Variants in PIEZO2 observed in about 807,000 individuals in gnomAD.
PIEZO2 encodes piezo-type mechanosensitive ion channel component 2.
PIEZO2 carries 172 observed loss-of-function variants against 337.3 expected under a neutral mutation model. The observed-to-expected ratio is 0.51, with a 90% CI of 0.45 to 0.58. PIEZO2 has a LOEUF of 0.58. PIEZO2 is among the 20% of genes least tolerant of loss of function. The pLI is 0.00. For synonymous variants in PIEZO2, 1,251 were observed against 1,228.5 expected (o/e 1.02, Z -0.38); for missense variants, 3,028 against 3,391.3 (o/e 0.89, Z 2.66).
chr18:11,127,179 G>C lies in PIEZO2; in HGVS notation c.64+21346C>G, dbSNP rs1220553989. Among the ~76,000 whole-genome samples the C allele has an allele frequency of 6.6e-6, 1 of 152,190 alleles. No homozygotes were observed. The highest frequency in any genetic ancestry group is 1.5e-5 in the Non-Finnish European group (1 of 68,032). On this transcript the variant is annotated intron_variant, in intron 1 of 55. Transcript: ENST00000674853. The surrounding 1 kb of genome is among the most constrained non-coding windows in gnomAD (Gnocchi z 4.5). The stretch of plus-strand genomic sequence containing the variant: ...GTGTGTTGTGACGGTGAGTGACCAG[G>C]ATCAGGTGTTTGAGGGGTGCGGAAA...
intron 4 of PIEZO2, among the ~76,000 whole-genome samples, chr18:10,906,368 G>A (rs1027097955): frequency 2.7e-4 from 41 of 152,118 alleles, no homozygotes; most frequent in African/African-American, 9.7e-4. Context: ...CAAGAGATCA[G>A]TAAAATATTG....
intron 2 of PIEZO2, among the ~76,000 whole-genome samples, chr18:10,994,085 T>TA (rs1308386890): frequency 6.6e-6 from 1 of 152,174 alleles, no homozygotes; most frequent in African/African-American, 2.4e-5. Context: ...AGCTTCCACT[T>TA]ATGAGTGAGA....
At position 10,726,513 on chromosome 18, in the gene PIEZO2, T is replaced by A; in HGVS notation, c.5029+4894A>T. ...GTGCTGCTCCGCAAGCAGCCGTTCC[T>A]GTGGCGCGCTGCGCTGCTCTGCTCT... is the stretch of plus-strand genomic sequence containing the variant. On this transcript the variant is annotated intron_variant, in intron 36 of 55. Transcript: ENST00000674853. This position sits in a 1 kb window ranked among gnomAD's most constrained non-coding sequence, Gnocchi z 5.9. 1 of 1,483,252 alleles carries A rather than the reference T, an allele frequency of 6.7e-7. No individual in the cohort carries two copies. The highest frequency in any genetic ancestry group is 8.9e-7 in the Non-Finnish European group (1 of 1,120,486). 91.9% of individuals were successfully genotyped at this position (1,483,252 alleles called of 1,614,324 possible).
In PIEZO2 at chr18:10,962,265, G is replaced by A. The variant is rs533492872; in HGVS notation, c.286+17270C>T. Among the ~76,000 whole-genome samples, 6 of 152,266 alleles carry A rather than the reference G, an allele frequency of 3.9e-5. No homozygotes were observed. In the South Asian group the frequency reaches 1.0e-3, roughly 26 times the overall value. ...CTGGCAACAGGTTAAATACGCAATC[G>A]TAGCCCTTCTCCCATCCATTCTGCA... is the stretch of plus-strand genomic sequence containing the variant. On this transcript the variant is annotated intron_variant, in intron 3 of 55. Coordinates refer to ENST00000674853, the MANE Select transcript of PIEZO2 (RefSeq NM_001378183.1). This position sits in a 1 kb window ranked among gnomAD's most constrained non-coding sequence, Gnocchi z 4.1.
intron 1 of PIEZO2, among the ~76,000 whole-genome samples, chr18:11,133,376 T>A (rs958907220): frequency 8.5e-5 from 13 of 152,124 alleles, no homozygotes; most frequent in Non-Finnish European, 1.9e-4. Context: ...GAAATGTGTA[T>A]GGGTTCAAGT....
intron 5 of PIEZO2, among the ~76,000 whole-genome samples, chr18:10,864,126 C>G (rs143245887): frequency 2.2e-4 from 33 of 152,318 alleles, no homozygotes; most frequent in African/African-American, 7.5e-4. Flanking sequence ...TTGTGATAGA[C>G]TAAGATGCAA....
chr18:10,671,453 A>G lies in PIEZO2; in HGVS notation c.*74T>C. The G allele has an allele frequency of 6.9e-7, 1 of 1,444,022 alleles. No individual in the cohort carries two copies. Among genetic ancestry groups the G allele is most frequent in the Non-Finnish European group, 9.3e-7 (1 of 1,070,972 alleles). 89.5% of individuals were successfully genotyped at this position (1,444,022 alleles called of 1,614,324 possible). ...CATTTCCGTCGAACTAGAAATGCTT[A>G]GCTCTTATGAGAATATTGTGCTTTT... On this transcript the variant is annotated 3_prime_UTR_variant, in exon 56 of 56. Coordinates refer to ENST00000674853, the MANE Select transcript of PIEZO2 (RefSeq NM_001378183.1).
Position 10,762,959 on chromosome 18 carries a change from G to A in PIEZO2, c.3086C>T (p.Thr1029Ile). The A allele has an allele frequency of 6.5e-7, 1 of 1,537,300 alleles. No individual in the cohort carries two copies. The highest frequency in any genetic ancestry group is 1.2e-5 in the South Asian group (1 of 84,068). ...IVCKMLYQLQ[T>I]IKPENFSVNC... ...AACAGAGAAGTTCTCAGGCTTAATGGTTTGGAGCTGGTACAACATTTTGCA... is the reference window on the plus strand; with the variant it reads ...AACAGAGAAGTTCTCAGGCTTAATGATTTGGAGCTGGTACAACATTTTGCA... The change falls in exon 22 of 56, where the codon ACC becomes ATC. Residue 1029 changes from threonine to isoleucine, a missense_variant. Transcript: ENST00000674853.
chr18:10,734,939 T>G (rs1001192501), intron 35 of PIEZO2, among the ~76,000 whole-genome samples: 1 of 152,236 alleles, frequency 6.6e-6, no homozygotes, highest in Admixed American at 6.5e-5. Flanking sequence ...AAATGAGATG[T>G]GACTTAGGCA....
intron 2 of PIEZO2, among the ~76,000 whole-genome samples, chr18:11,036,586 T>C (rs2036930586): frequency 6.6e-6 from 1 of 151,602 alleles, no homozygotes; most frequent in Admixed American, 6.6e-5. Context: ...ATCAAATATT[T>C]ATATTTAATA....
At chr18:10,933,167 C>T (rs1026656309) in intron 3 of PIEZO2, among the ~76,000 whole-genome samples, 3 of 151,894 alleles carry the variant, frequency 2.0e-5, no homozygotes, top group Admixed American at 6.6e-5. Flanking sequence ...TTGGAGATTA[C>T]AGTGGGCAAT....
chr18:10,917,376 A>C (rs1172926818), intron 3 of PIEZO2, among the ~76,000 whole-genome samples: 3 of 152,016 alleles, frequency 2.0e-5, no homozygotes, highest in Non-Finnish European at 4.4e-5. Context: ...GGCTCCTTTC[A>C]TTTTGCAGTT....
chr18:11,021,281 C>G lies in PIEZO2; in HGVS notation c.161-41621G>C, dbSNP rs1425080209. Among the ~76,000 whole-genome samples the G allele has an allele frequency of 1.3e-5, 2 of 152,226 alleles. No individual in the cohort carries two copies. Among genetic ancestry groups the G allele is most frequent in the Non-Finnish European group, 2.9e-5 (2 of 68,042 alleles). ...AATCTCCCTGGAAAGAACTCCCAAACCGGTTTTCCATGGACCCAAAGTCAG... is the reference window on the plus strand; with the variant it reads ...AATCTCCCTGGAAAGAACTCCCAAAGCGGTTTTCCATGGACCCAAAGTCAG... On this transcript the variant is annotated intron_variant, in intron 2 of 55. Coordinates refer to ENST00000674853, the MANE Select transcript of PIEZO2 (RefSeq NM_001378183.1). The surrounding 1 kb of genome is among the most constrained non-coding windows in gnomAD (Gnocchi z 4.7).
At chr18:11,135,921 G>A (rs537690930) in intron 1 of PIEZO2, among the ~76,000 whole-genome samples, 1 of 152,266 alleles carries the variant, frequency 6.6e-6, no homozygotes, top group Admixed American at 6.5e-5. Context: ...CTTGAGTATG[G>A]ATCTACTGGA....
chr18:10,706,273 G>A lies in PIEZO2; in HGVS notation c.5589-527C>T, dbSNP rs147965339. Among the ~76,000 whole-genome samples, 847 of 152,270 alleles carry A rather than the reference G, an allele frequency of 5.6e-3. 5 individuals carry two copies. The highest frequency in any genetic ancestry group is 8.8e-3 in the Non-Finnish European group (602 of 68,024). On this transcript the variant is annotated intron_variant, in intron 40 of 55. Coordinates refer to ENST00000674853, the MANE Select transcript of PIEZO2 (RefSeq NM_001378183.1). ...TAAATATTGGCTATACTGAACAACTGTGTGCTTGATAAAAAATGCCACCCT... is the reference window on the plus strand; with the variant it reads ...TAAATATTGGCTATACTGAACAACTATGTGCTTGATAAAAAATGCCACCCT...
In PIEZO2 at chr18:10,773,295, C is replaced by A. The variant is rs764912743; in HGVS notation, c.2785+117G>T. 17 of 1,064,984 alleles carry A rather than the reference C, an allele frequency of 1.6e-5. No homozygotes were observed. Among genetic ancestry groups the A allele is most frequent in the Non-Finnish European group, 2.1e-5 (16 of 746,706 alleles). The allele number at this position is 1,064,984 out of a possible 1,614,324, so 66.0% of individuals were successfully genotyped here. A position where few individuals can be genotyped will look rare whatever the true frequency, so the allele number is the denominator to read the frequency against. On this transcript the variant is annotated intron_variant, in intron 20 of 55. Coordinates refer to ENST00000674853, the MANE Select transcript of PIEZO2 (RefSeq NM_001378183.1). The surrounding 1 kb of genome is among the most constrained non-coding windows in gnomAD (Gnocchi z 5.3). ...TATAGCAATCAAACAAAAACCACTC[C>A]AATTTTTATGTCATGGACTGGGTCA... is the stretch of plus-strand genomic sequence containing the variant.
Position 10,697,894 on chromosome 18 carries a change from GA to G in PIEZO2, c.6695-15del. 1 of 1,598,220 alleles carries G rather than the reference GA, an allele frequency of 6.3e-7. No homozygotes were observed. Among genetic ancestry groups the G allele is most frequent in the Non-Finnish European group, 8.5e-7 (1 of 1,170,624 alleles). ...TGCTTGTGCTGCCTAGAAATAAAAA[GA>G]GATCATAAGATGGGTGGTGGAGCCT... On this transcript the variant is annotated splice_polypyrimidine_tract_variant and intron_variant, in intron 44 of 55. Transcript: ENST00000674853.
intron 34 of PIEZO2, 30 bp downstream of exon 34, chr18:10,736,574 T>C (rs1236507870): frequency 6.5e-7 from 1 of 1,536,318 alleles, no homozygotes; most frequent in Non-Finnish European, 8.7e-7. Flanking sequence ...CTCTTCCAAC[T>C]AGCAAAGAAA....
intron 5 of PIEZO2, among the ~76,000 whole-genome samples, chr18:10,869,041 G>A (rs1389423123): frequency 6.6e-6 from 1 of 152,214 alleles, no homozygotes; most frequent in African/African-American, 2.4e-5. Context: ...ATTGGAATTT[G>A]AAATTGCACT....
Sources: gnomAD v4.1 joint callset for allele counts (sites outside exome capture counted in the v4.1 genomes callset) on GRCh38, gnomAD v4.1.1 for gene constraint, Gnocchi (gnomAD v3.1) non-coding constraint, MANE v1.5 for transcripts, NCBI Gene and HGNC (gene_info 2026-07-23, HGNC 2026-07-21) for gene names.